Variants in RARB observed in about 807,000 individuals in gnomAD.
RARB encodes the protein retinoic acid receptor beta, also known as HBV-activated protein.
In RARB, 17 loss-of-function variants were observed where a neutral mutation model predicts 51.9. That is an observed-to-expected ratio of 0.33 (90% CI 0.22 to 0.49). The LOEUF (loss-of-function observed/expected upper bound fraction) is 0.49, where lower values mean the gene tolerates loss of function less well. Ranked by LOEUF, RARB falls within the 20% of genes least tolerant of loss-of-function variation. The probability of loss-of-function intolerance (pLI) is 0.99; values close to 1 mark genes in which losing one functional copy is unlikely to be tolerated. For synonymous variants in RARB, 215 were observed against 195.4 expected (o/e 1.10, Z -0.84); for missense variants, 369 against 550.8 (o/e 0.67, Z 3.30).
chr3:25,130,220 A>G (rs1279319016), intron 3 of RARB, among the ~76,000 whole-genome samples: 1 of 152,034 alleles, frequency 6.6e-6, no homozygotes, highest in Non-Finnish European at 1.5e-5. Context: ...GTCTTTACTG[A>G]GGACTTTTAC....
rs1707644938 is a variant in RARB, at chr3:25,414,301, A to G, written c.179-46892A>G. On this transcript the variant is annotated intron_variant, in intron 5 of 11. Transcript: ENST00000383772. ...CTTTCCATTGTATGGATATACCACA[A>G]TTTGTTTTACCAATTCACCTATTGA... Among the ~76,000 whole-genome samples, 3 of 152,130 alleles carry G rather than the reference A, an allele frequency of 2.0e-5. No homozygotes were observed. In the South Asian group the frequency reaches 6.2e-4, roughly 32 times the overall value.
chr3:24,869,297 ATGTAT>A (rs1702903464), intron 2 of RARB, among the ~76,000 whole-genome samples: 1 of 152,116 alleles, frequency 6.6e-6, no homozygotes, highest in Non-Finnish European at 1.5e-5. Context: ...TAATATTTTG[ATGTAT>A]TGGAAAAAGA....
At chr3:25,399,105 A>G (rs776634560) in intron 5 of RARB, among the ~76,000 whole-genome samples, 1 of 152,172 alleles carries the variant, frequency 6.6e-6, no homozygotes, top group Non-Finnish European at 1.5e-5. Context: ...ACAGATAGGA[A>G]GATACATAGA....
chr3:25,073,972 A>C (rs73149174), intron 3 of RARB, among the ~76,000 whole-genome samples: 9,035 of 152,274 alleles, frequency 0.059, 470 homozygotes, highest in African/African-American at 0.13. Flanking sequence ...AAAATAGTCT[A>C]TGCCTCAGTA....
chr3:25,030,286 C>G (rs910775812), intron 2 of RARB, among the ~76,000 whole-genome samples: 1 of 152,206 alleles, frequency 6.6e-6, no homozygotes, highest in Non-Finnish European at 1.5e-5. Context: ...CTGAAAATTA[C>G]ATATATTTTT....
chr3:25,228,205 G>A (rs1236946963), intron 5 of RARB, among the ~76,000 whole-genome samples: 1 of 135,204 alleles, frequency 7.4e-6, no homozygotes, highest in Non-Finnish European at 1.6e-5. Context: ...TTCATCTATG[G>A]TGACTTTGAG....
At chr3:25,427,277 C>G (rs1440571508), upstream of RARB, among the ~76,000 whole-genome samples, 1 of 152,180 alleles carries the variant, frequency 6.6e-6, no homozygotes, top group Non-Finnish European at 1.5e-5. Flanking sequence ...GGATGAGTCA[C>G]AGCTAACATT....
intron 3 of RARB, among the ~76,000 whole-genome samples, chr3:25,125,409 G>A (rs925233471): frequency 7.9e-5 from 12 of 152,164 alleles, no homozygotes; most frequent in Non-Finnish European, 1.8e-4. Flanking sequence ...CTAATGAGAA[G>A]ACAGAGCACA....
intron 5 of RARB, among the ~76,000 whole-genome samples, chr3:25,238,120 C>G (rs1281887550): frequency 2.0e-5 from 3 of 151,770 alleles, no homozygotes; most frequent in Admixed American, 1.3e-4. Context: ...ATGTTTGTAC[C>G]TATTAACCAA....
At chr3:25,544,757 T>A (rs187809575) in intron 3 of RARB, among the ~76,000 whole-genome samples, 92 of 152,330 alleles carry the variant, frequency 6.0e-4, no homozygotes, top group African/African-American at 2.0e-3. Context: ...CTGAGCACTT[T>A]CAACGGACTT....
At chr3:24,857,857 T>C (rs546527685) in intron 1 of RARB, among the ~76,000 whole-genome samples, 31 of 152,282 alleles carry the variant, frequency 2.0e-4, no homozygotes, top group Admixed American at 5.2e-4. Context: ...ACCCAGGAGT[T>C]TGAAGTCACA....
intron 2 of RARB, among the ~76,000 whole-genome samples, chr3:25,488,412 T>G (rs921395501): frequency 6.6e-6 from 1 of 152,192 alleles, no homozygotes; most frequent in Non-Finnish European, 1.5e-5. Context: ...TTGGATGAGT[T>G]CAAAATAAAC....
intron 3 of RARB, among the ~76,000 whole-genome samples, chr3:25,543,366 C>T (rs1332725808): frequency 1.3e-5 from 2 of 152,210 alleles, no homozygotes; most frequent in East Asian, 3.8e-4. Flanking sequence ...TCGCTCCCCC[C>T]AACCAGTTCC....
At chr3:25,342,142 A>C (rs1705247293) in intron 5 of RARB, among the ~76,000 whole-genome samples, 1 of 152,230 alleles carries the variant, frequency 6.6e-6, no homozygotes, top group Admixed American at 6.5e-5. Flanking sequence ...GAGATACTCA[A>C]GTTGTTAAGC....
intron 5 of RARB, among the ~76,000 whole-genome samples, chr3:25,268,318 G>T (rs947120706): frequency 5.9e-5 from 9 of 151,720 alleles, no homozygotes; most frequent in African/African-American, 2.2e-4. Context: ...ACCTATTCAG[G>T]TGTGGCTAAA....
chr3:25,434,783 G>T (rs1431679903), intron 1 of RARB, among the ~76,000 whole-genome samples: 1 of 151,602 alleles, frequency 6.6e-6, no homozygotes, highest in Non-Finnish European at 1.5e-5. Context: ...CTCGTGATCT[G>T]CCCACCTCGG....
At chr3:25,157,346 G>C (rs1417788073) in intron 4 of RARB, among the ~76,000 whole-genome samples, 1 of 106,100 alleles carries the variant, frequency 9.4e-6, no homozygotes, top group Non-Finnish European at 1.9e-5. Flanking sequence ...CTGAGTGTGT[G>C]TGTTTGTGTG....
intron 3 of RARB, among the ~76,000 whole-genome samples, chr3:25,092,744 A>G (rs1298229724): frequency 6.6e-6 from 1 of 152,006 alleles, no homozygotes; most frequent in Non-Finnish European, 1.5e-5. Context: ...TGTAATTGTT[A>G]CTGGTTATGG....
chr3:25,048,816 C>T (rs1230038876), intron 2 of RARB, among the ~76,000 whole-genome samples: 8 of 128,476 alleles, frequency 6.2e-5, no homozygotes, highest in East Asian at 2.4e-4. Flanking sequence ...AGTGCAGTGG[C>T]GCGATCTCGG....
Sources: allele counts gnomAD v4.1 joint callset (sites outside exome capture counted in the v4.1 genomes callset), GRCh38; gene constraint gnomAD v4.1.1; transcripts MANE v1.5; gene names NCBI Gene and HGNC (gene_info 2026-07-23, HGNC 2026-07-21).